The following PTPN12 variants were observed in gnomAD, a reference collection of about 807,000 sequenced individuals.
The protein encoded by PTPN12 is tyrosine-protein phosphatase non-receptor type 12.
In PTPN12, 29 loss-of-function variants were observed where a neutral mutation model predicts 97.6. The observed-to-expected ratio is 0.30, with a 90% confidence interval of 0.22 to 0.41. The LOEUF is 0.41. Among genes scored for constraint, PTPN12 ranks in the 10% least tolerant of loss-of-function variants. PTPN12 has a pLI of 1.00. For missense variants in PTPN12, 819 were observed against 926.0 expected (o/e 0.88, Z 1.50); for synonymous variants, 327 against 300.4 (o/e 1.09, Z -0.91).
At chr7:77,636,941 C>A in intron 15 of PTPN12, 77 bp from the exon 16 acceptor site, 1 of 1,119,024 alleles carries the variant, frequency 8.9e-7, no homozygotes, top group Non-Finnish European at 1.3e-6. Flanking sequence ...GGATATATAC[C>A]CATAACAGAC....
At chr7:77,558,786 G>A (rs1428033405) in intron 1 of PTPN12, among the ~76,000 whole-genome samples, 4 of 152,190 alleles carry the variant, frequency 2.6e-5, no homozygotes, top group Non-Finnish European at 5.9e-5. Flanking sequence ...GCTTTGGGAG[G>A]CCGAGGCAGG....
intron 8 of PTPN12, among the ~76,000 whole-genome samples, chr7:77,602,122 T>C (rs996503754): frequency 1.8e-4 from 27 of 151,966 alleles, no homozygotes; most frequent in Admixed American, 1.4e-3. Context: ...AACTCTTCCT[T>C]TGACTTTGGG....
In PTPN12 at chr7:77,571,032, T is replaced by C. The variant is rs930012124; in HGVS notation, c.100-46T>C. ...CCAGATTTCATTAAAAATTTGAAAA[T>C]ATCACTGTTTCTCTAAACTTTAATT... On this transcript the variant is annotated intron_variant, in intron 1 of 17. Coordinates refer to ENST00000248594, the MANE Select transcript of PTPN12 (RefSeq NM_002835.4). 9 of 1,310,256 alleles carry C rather than the reference T, an allele frequency of 6.9e-6. No individual in the cohort carries two copies. The Admixed American group carries it at 1.7e-4, about 24-fold the overall frequency. The allele number at this position is 1,310,256 out of a possible 1,614,324, so 81.2% of individuals were successfully genotyped here.
chr7:77,635,703 C>T, intron 14 of PTPN12, 79 bp from the exon 15 acceptor site: 1 of 806,182 alleles, frequency 1.2e-6, no homozygotes, highest in Non-Finnish European at 1.8e-6. Flanking sequence ...TCTTTAGGAT[C>T]TGTTTTTTGT....
At chr7:77,574,934 C>T (rs1787291701) in intron 2 of PTPN12, among the ~76,000 whole-genome samples, 1 of 151,736 alleles carries the variant, frequency 6.6e-6, no homozygotes, top group Admixed American at 6.6e-5. Flanking sequence ...CGGGTTTAAG[C>T]AATTCTCGTG....
chr7:77,595,306 G>A (rs1201686872), intron 6 of PTPN12, among the ~76,000 whole-genome samples: 1 of 152,180 alleles, frequency 6.6e-6, no homozygotes, highest in Non-Finnish European at 1.5e-5. Context: ...TTTATAAATA[G>A]CATGTTGGTA....
intron 12 of PTPN12, among the ~76,000 whole-genome samples, chr7:77,619,099 A>G (rs995036938): frequency 4.6e-5 from 7 of 152,190 alleles, no homozygotes; most frequent in South Asian, 2.1e-4. Context: ...ACAGAGGCAG[A>G]AGAAGATAGT....
intron 1 of PTPN12, among the ~76,000 whole-genome samples, chr7:77,562,311 C>G (rs889031300): frequency 2.0e-5 from 3 of 152,132 alleles, no homozygotes; most frequent in Non-Finnish European, 2.9e-5. Context: ...CACCTCGGCC[C>G]CAAAGTGCTG....
chr7:77,603,883 CTTTTTTTTTTT>C (rs773037726), intron 8 of PTPN12, among the ~76,000 whole-genome samples: 1 of 87,860 alleles, frequency 1.1e-5, no homozygotes, highest in African/African-American at 5.0e-5. Context: ...TTTTTGTTTG[CTTTTTTTTTTT>C]TTTTTTTTTT....
At chr7:77,627,702 A>G (rs1156747554) in intron 13 of PTPN12, 27 bp downstream of exon 13, 3 of 1,510,966 alleles carry the variant, frequency 2.0e-6, no homozygotes, top group South Asian at 2.6e-5. Flanking sequence ...AAATACTTAA[A>G]TGTCTTTCCT....
intron 2 of PTPN12, among the ~76,000 whole-genome samples, chr7:77,580,928 T>C (rs1787493906): frequency 6.6e-6 from 1 of 152,236 alleles, no homozygotes; most frequent in African/African-American, 2.4e-5. Flanking sequence ...CCCTAGACTC[T>C]GCTCTAGTAA....
chr7:77,633,139 G>A (rs562490429), intron 14 of PTPN12, among the ~76,000 whole-genome samples: 247 of 152,050 alleles, frequency 1.6e-3, no homozygotes, highest in African/African-American at 5.4e-3. Context: ...GCGTGGTGGC[G>A]CATGCCTGTA....
At chr7:77,616,831 G>A (rs994692688) in intron 11 of PTPN12, among the ~76,000 whole-genome samples, 1 of 151,908 alleles carries the variant, frequency 6.6e-6, no homozygotes, top group Non-Finnish European at 1.5e-5. Context: ...CGCCCACACT[G>A]GAGTGCAGAG....
At chr7:77,622,077 C>T (rs1264869293) in intron 12 of PTPN12, among the ~76,000 whole-genome samples, 1 of 152,196 alleles carries the variant, frequency 6.6e-6, no homozygotes, top group East Asian at 1.9e-4. Flanking sequence ...ACCCTAGACT[C>T]CCAACTAGCT....
intron 2 of PTPN12, among the ~76,000 whole-genome samples, chr7:77,571,502 T>C (rs1352502013): frequency 1.3e-5 from 2 of 152,212 alleles, no homozygotes; most frequent in Non-Finnish European, 2.9e-5. Flanking sequence ...AATAGACAAC[T>C]GAATACATTT....
chr7:77,621,558 A>T (rs1351462322), intron 12 of PTPN12, among the ~76,000 whole-genome samples: 1 of 152,026 alleles, frequency 6.6e-6, no homozygotes, highest in African/African-American at 2.4e-5. Context: ...AGTCTCAGCT[A>T]CTTGGGAGGC....
chr7:77,573,982 A>C (rs548658030), intron 2 of PTPN12, among the ~76,000 whole-genome samples: 136 of 152,326 alleles, frequency 8.9e-4, no homozygotes, highest in Middle Eastern at 6.8e-3. Context: ...GCTGCTCTCG[A>C]ACTCCTAACG....
At chr7:77,543,871 T>C (rs930467532) in intron 1 of PTPN12, among the ~76,000 whole-genome samples, 20 of 152,228 alleles carry the variant, frequency 1.3e-4, no homozygotes, top group African/African-American at 4.3e-4. Flanking sequence ...GGCTGAATAA[T>C]ATTCTATTGT....
chr7:77,563,611 A>G (rs1219543899), intron 1 of PTPN12, among the ~76,000 whole-genome samples: 1 of 152,354 alleles, frequency 6.6e-6, no homozygotes, highest in East Asian at 1.9e-4. Context: ...TGACATGAGC[A>G]AAGCACAGAA....
Sources: gnomAD v4.1 joint callset for allele counts (sites outside exome capture counted in the v4.1 genomes callset) on GRCh38, gnomAD v4.1.1 for gene constraint, MANE v1.5 for transcripts, NCBI Gene and HGNC (gene_info 2026-07-23, HGNC 2026-07-21) for gene names.